Variants in RERE observed in about 807,000 individuals in gnomAD.
RERE encodes the protein arginine-glutamic acid dipeptide repeats protein.
Under a neutral mutation model 146.1 loss-of-function variants are expected in RERE, and 40 were observed. The ratio of observed to expected loss-of-function variants is 0.27; its 90% confidence interval spans 0.21 to 0.36. The LOEUF (loss-of-function observed/expected upper bound fraction) is 0.36, where lower values mean the gene tolerates loss of function less well. Ranked by LOEUF, RERE falls within the 10% of genes least tolerant of loss-of-function variation. RERE has a pLI of 1.00. For synonymous variants in RERE, 1,003 were observed against 866.0 expected (o/e 1.16, Z -2.78); for missense variants, 1,933 against 2,138.7 (o/e 0.90, Z 1.90).
At chr1:8,508,969 C>T (rs769815315) in intron 7 of RERE, among the ~76,000 whole-genome samples, 19 of 152,140 alleles carry the variant, frequency 1.2e-4, no homozygotes, top group Non-Finnish European at 2.4e-4. Flanking sequence ...GGCTGGAGTG[C>T]AGTGGCACAA....
intron 1 of RERE, among the ~76,000 whole-genome samples, chr1:8,664,940 C>T (rs1199783532): frequency 1.3e-5 from 2 of 152,206 alleles, no homozygotes; most frequent in Non-Finnish European, 2.9e-5. Flanking sequence ...CTTTACAATA[C>T]GTCAGTGACT....
intron 1 of RERE, among the ~76,000 whole-genome samples, chr1:8,691,977 C>A (rs868277099): frequency 6.6e-6 from 1 of 152,112 alleles, no homozygotes; most frequent in South Asian, 2.1e-4. Flanking sequence ...AAGGACAGGA[C>A]CAAATCTTCT....
At chr1:8,370,118 A>T (rs1384005029) in intron 12 of RERE, among the ~76,000 whole-genome samples, 1 of 152,014 alleles carries the variant, frequency 6.6e-6, no homozygotes, top group Non-Finnish European at 1.5e-5. Flanking sequence ...TCCAAACTGG[A>T]AACAACCTAA....
intron 4 of RERE, among the ~76,000 whole-genome samples, chr1:8,572,646 C>T (rs951263377): frequency 6.6e-6 from 1 of 152,200 alleles, no homozygotes; most frequent in Non-Finnish European, 1.5e-5. Flanking sequence ...AGGCACCAGA[C>T]ACTGTTCTGG....
intron 1 of RERE, among the ~76,000 whole-genome samples, chr1:8,765,077 C>T (rs1401939512): frequency 1.3e-5 from 2 of 152,170 alleles, no homozygotes; most frequent in South Asian, 2.1e-4. Flanking sequence ...ATTTTTTTAA[C>T]AGCCAAAAAG....
In RERE at chr1:8,556,526, C is replaced by G; in HGVS notation, c.674G>C (p.Arg225Pro). The change falls in exon 6 of 23, where the codon CGA becomes CCA. Residue 225 changes from arginine to proline, a missense_variant. By Grantham distance (103) the Arg-to-Pro change is moderately radical. Coordinates refer to ENST00000400908, the MANE Select transcript of RERE (RefSeq NM_001042681.2). ...LVITDPVIKN[R>P]ELFISDYVDT... ...AACGTAATCAGAAATGAAGAGCTCT[C>G]GGTTCTTGATAACTGGGTCTGTAAT... The G allele has an allele frequency of 6.2e-7, 1 of 1,612,164 alleles. No individual in the cohort carries two copies. The highest frequency in any genetic ancestry group is 8.5e-7 in the Non-Finnish European group (1 of 1,178,278).
chr1:8,762,189 G>A lies in RERE; in HGVS notation c.-145+54971C>T, dbSNP rs537047979. On this transcript the variant is annotated intron_variant, in intron 1 of 22. Transcript: ENST00000400908. ...TTGCTTCCTCCTCTGAACTTCAGCA[G>A]TACCTCACTTGACCCTTACCAATTT... Among the ~76,000 whole-genome samples the A allele has an allele frequency of 1.8e-3, 277 of 152,272 alleles. 1 individual carries two copies. Among genetic ancestry groups the A allele is most frequent in the Non-Finnish European group, 2.8e-3 (190 of 68,014 alleles).
chr1:8,362,666 T>C lies in RERE; in HGVS notation c.1902+17A>G. 6.2e-6 allele frequency: 10 copies of C among 1,614,004 alleles called. No homozygotes were observed. The highest frequency in any genetic ancestry group is 8.5e-6 in the Non-Finnish European group (10 of 1,179,960). On this transcript the variant is annotated intron_variant, in intron 16 of 22. Coordinates refer to ENST00000400908, the MANE Select transcript of RERE (RefSeq NM_001042681.2). Reference sequence around the variant, plus strand: ...GGGAGGGACAGAGTAGGCCCTACTATCCCCCCAGCACCTGACCTTGGCCGA... The same window carrying C: ...GGGAGGGACAGAGTAGGCCCTACTACCCCCCCAGCACCTGACCTTGGCCGA...
intron 2 of RERE, among the ~76,000 whole-genome samples, chr1:8,645,202 T>C (rs547225849): frequency 6.6e-6 from 1 of 152,198 alleles, no homozygotes; most frequent in Non-Finnish European, 1.5e-5. Context: ...TCCCTTACTA[T>C]TTACAGCCAA....
chr1:8,538,064 T>A (rs1375327699), intron 7 of RERE, among the ~76,000 whole-genome samples: 1 of 152,250 alleles, frequency 6.6e-6, no homozygotes, highest in Admixed American at 6.5e-5. Flanking sequence ...ACTGCTCACT[T>A]AAAGTTCCTG....
intron 3 of RERE, among the ~76,000 whole-genome samples, chr1:8,622,733 G>A (rs555467823): frequency 6.6e-6 from 1 of 151,426 alleles, no homozygotes; most frequent in South Asian, 2.1e-4. Flanking sequence ...CAGTAAGCAT[G>A]CAATAACTTA....
chr1:8,675,891 T>C (rs924163549), intron 1 of RERE, among the ~76,000 whole-genome samples: 1 of 152,206 alleles, frequency 6.6e-6, no homozygotes, highest in Non-Finnish European at 1.5e-5. Flanking sequence ...GTTGAGCATC[T>C]CAAATCAGAA....
In RERE at chr1:8,364,043, C is replaced by G. The variant is rs199627610; in HGVS notation, c.1740+13G>C. 17 of 1,613,264 alleles carry G rather than the reference C, an allele frequency of 1.1e-5. No homozygotes were observed. In the East Asian group the frequency reaches 3.3e-4, roughly 32 times the overall value. On this transcript the variant is annotated intron_variant, in intron 15 of 22. Coordinates refer to ENST00000400908, the MANE Select transcript of RERE (RefSeq NM_001042681.2). The surrounding 1 kb of genome is among the most constrained non-coding windows in gnomAD (Gnocchi z 5.1). The stretch of plus-strand genomic sequence containing the variant: ...AGAAGTTGCCAGGAGCCCCATGGCC[C>G]CAGGGGACTCACCGAGCCCCGACTC...
At chr1:8,464,014 C>A (rs1036340102) in intron 11 of RERE, among the ~76,000 whole-genome samples, 1 of 152,196 alleles carries the variant, frequency 6.6e-6, no homozygotes, top group Non-Finnish European at 1.5e-5. Flanking sequence ...ATCTCTTATC[C>A]ACTCCTCACA....
At chr1:8,714,545 T>A (rs904822977) in intron 1 of RERE, among the ~76,000 whole-genome samples, 2 of 152,178 alleles carry the variant, frequency 1.3e-5, no homozygotes, top group African/African-American at 4.8e-5. Flanking sequence ...ACTTCCCATG[T>A]ACCCTTCTCA....
intron 4 of RERE, among the ~76,000 whole-genome samples, chr1:8,569,886 T>C (rs183547138): frequency 1.3e-5 from 2 of 151,518 alleles, no homozygotes; most frequent in Admixed American, 6.6e-5. Flanking sequence ...AGCTAGACCC[T>C]GTCTTAAAAA....
At chr1:8,379,619 G>A (rs780756481) in intron 12 of RERE, among the ~76,000 whole-genome samples, 8 of 152,158 alleles carry the variant, frequency 5.3e-5, no homozygotes, top group Admixed American at 2.0e-4. Context: ...TACAGAGGGC[G>A]GCTGGCTCTC....
intron 7 of RERE, among the ~76,000 whole-genome samples, chr1:8,515,957 C>T (rs772002023): frequency 3.9e-4 from 59 of 151,418 alleles, no homozygotes; most frequent in Non-Finnish European, 7.2e-4. Flanking sequence ...TGGCTCGTGC[C>T]TGTAATCCCA....
At chr1:8,763,747 T>C (rs1640797140) in intron 1 of RERE, among the ~76,000 whole-genome samples, 1 of 152,084 alleles carries the variant, frequency 6.6e-6, no homozygotes, top group South Asian at 2.1e-4. Context: ...GAGACCATCC[T>C]GGCCAACATG....
Sources: gnomAD v4.1 joint callset for allele counts (sites outside exome capture counted in the v4.1 genomes callset) on GRCh38, gnomAD v4.1.1 for gene constraint, Gnocchi (gnomAD v3.1) non-coding constraint, MANE v1.5 for transcripts, NCBI Gene and HGNC (gene_info 2026-07-23, HGNC 2026-07-21) for gene names.